The following DHRS7C variants were observed in gnomAD, a reference collection of about 807,000 sequenced individuals.
DHRS7C encodes dehydrogenase/reductase 7C, also known as dehydrogenase/reductase SDR family member 7C.
Under a neutral mutation model 29.6 loss-of-function variants are expected in DHRS7C, and 28 were observed. That is an observed-to-expected ratio of 0.95 (90% confidence interval 0.70 to 1.30). The LOEUF (loss-of-function observed/expected upper bound fraction) is 1.30. Among genes scored for constraint, DHRS7C ranks in the 50% most tolerant of loss-of-function variants. The probability of loss-of-function intolerance (pLI) is 0.00; values close to 1 mark genes in which losing one functional copy is unlikely to be tolerated. For synonymous variants in DHRS7C, 158 were observed against 160.2 expected (o/e 0.99, Z 0.10); for missense variants, 403 against 393.3 (o/e 1.02, Z -0.21).
intron 2 of DHRS7C, among the ~76,000 whole-genome samples, 200 bp from the exon 3 acceptor site, chr17:9,780,235 AAAC>A (rs1218573180): frequency 2.6e-5 from 4 of 152,202 alleles, no homozygotes; most frequent in Admixed American, 1.3e-4. Flanking sequence ...ACCAGGGCAA[AAAC>A]AACAACAAAT....
rs2066328980 is a variant in DHRS7C, at chr17:9,771,636, C to A, written c.788G>T (p.Arg263Leu). 6.3e-7 allele frequency: 1 copy of A among 1,592,298 alleles called. No individual in the cohort carries two copies. Among genetic ancestry groups the A allele is most frequent in the Non-Finnish European group, 8.6e-7 (1 of 1,167,822 alleles). The change falls in exon 6 of 6, where the codon CGC (arginine) becomes CTC (leucine). Residue 263 changes from arginine (R) to leucine (L), a missense_variant. Coordinates refer to ENST00000571134, the MANE Select transcript of DHRS7C (RefSeq NM_001105571.3). ...HPVEVAEEVM[R>L]TVRRKKQEVF... Reference sequence around the variant, plus strand: ...CTCTTGCTTCTTCCTCCGCACGGTGCGCATCACCTCCTCCGCCACCTCTAC... The same window carrying A: ...CTCTTGCTTCTTCCTCCGCACGGTGAGCATCACCTCCTCCGCCACCTCTAC...
At position 9,774,329 on chromosome 17, in the gene DHRS7C, G is replaced by C. The variant is rs2066349069; in HGVS notation, c.572-1407C>G. ...AGAGGGAGTCTTGCTCTGTTGTCCG[G>C]GCTGGAGTACAGTGGCTCAATCTCA... On this transcript the variant is annotated intron_variant, in intron 4 of 5. Transcript: ENST00000571134. This position sits in a 1 kb window ranked among gnomAD's most constrained non-coding sequence, Gnocchi z 5.0. Among the ~76,000 whole-genome samples, 1 of 152,084 alleles carries C rather than the reference G, an allele frequency of 6.6e-6. No homozygotes were observed. Among genetic ancestry groups the C allele is most frequent in the Non-Finnish European group, 1.5e-5 (1 of 68,006 alleles).
In DHRS7C at chr17:9,771,610, C is replaced by T; in HGVS notation, c.814G>A (p.Val272Met). The T allele has an allele frequency of 1.9e-6, 3 of 1,601,646 alleles. No individual in the cohort carries two copies. Among genetic ancestry groups the T allele is most frequent in the East Asian group, 2.3e-5 (1 of 43,856 alleles). ...TTGGGGATGGGGTTGGCCATAAACA[C>T]CTCTTGCTTCTTCCTCCGCACGGTG... ...MRTVRRKKQE[V>M]FMANPIPKAA... The change falls in exon 6 of 6, where the codon GTG becomes ATG. Residue 272 changes from valine (V) to methionine (M), a missense_variant. Transcript: ENST00000571134.
In DHRS7C at chr17:9,772,889, A is replaced by G. The variant is rs115900148; in HGVS notation, c.605T>C (p.Phe202Ser). The G allele has an allele frequency of 3.7e-4, 603 of 1,613,896 alleles. 2 individuals carry two copies. In the African/African-American group the frequency reaches 7.2e-3, roughly 19 times the overall value. ...CTCCACTTCGGCTCGGAGGCAGTCA[A>G]AGAAGCCCAGGGCTGCGTGCTTGGA... is the stretch of plus-strand genomic sequence containing the variant. The part of the protein sequence containing the change: ...AASKHAALGF[F>S]DCLRAEVEEY... The change falls in exon 5 of 6, where the codon TTT (phenylalanine) becomes TCT (serine). Residue 202 changes from phenylalanine (F) to serine (S), a missense_variant. By Grantham distance (155) the Phe-to-Ser change is radical. Coordinates refer to ENST00000571134, the MANE Select transcript of DHRS7C (RefSeq NM_001105571.3).
intron 1 of DHRS7C, 57 bp downstream of exon 1, chr17:9,791,074 C>T: frequency 6.4e-7 from 1 of 1,553,134 alleles, no homozygotes; most frequent in Non-Finnish European, 8.7e-7. Context: ...GCCACCCTGC[C>T]ATCCTGCCAG....
chr17:9,779,960 C>G lies in DHRS7C; in HGVS notation c.343G>C (p.Asp115His). 1 of 1,613,948 alleles carries G rather than the reference C, an allele frequency of 6.2e-7. No homozygotes were observed. Among genetic ancestry groups the G allele is most frequent in the Non-Finnish European group, 8.5e-7 (1 of 1,179,898 alleles). The change falls in exon 3 of 6, where the codon GAT becomes CAT. Residue 115 changes from aspartate (D) to histidine (H), a missense_variant. Physicochemically the swap from Asp to His is moderately conservative, Grantham distance 81 (BLOSUM62 -1). Transcript: ENST00000571134. ...AGGATGTCCACACAGCCATAGCAATCCAGGACTTCTTTTGCCACATCTGGG... is the reference window on the plus strand; with the variant it reads ...AGGATGTCCACACAGCCATAGCAATGCAGGACTTCTTTTGCCACATCTGGG... ...CVPDVAKEVL[D>H]CYGCVDILIN...
chr17:9,778,409 AAAAG>A (rs1567701364), intron 3 of DHRS7C, among the ~76,000 whole-genome samples: 6 of 151,992 alleles, frequency 3.9e-5, no homozygotes, highest in African/African-American at 9.6e-5. Flanking sequence ...AAAAAAAAAA[AAAAG>A]AAAGAAAGGA....
chr17:9,773,782 T>TGG (rs540439895), intron 4 of DHRS7C, among the ~76,000 whole-genome samples: 115 of 139,946 alleles, frequency 8.2e-4, no homozygotes, highest in African/African-American at 3.0e-3. Flanking sequence ...TGGAGTGCAG[T>TGG]GGTGCGATCT....
rs934270980 is a variant in DHRS7C at position 9,791,145 on chromosome 17, G to T, written c.140C>A (p.Ser47Ter). 9 of 1,613,010 alleles carry T rather than the reference G, an allele frequency of 5.6e-6. No individual in the cohort carries two copies. The highest frequency in any genetic ancestry group is 7.6e-6 in the Non-Finnish European group (9 of 1,179,610). ...NKVVVITDAI[S>*]GLGKECARVF... is the part of the protein sequence containing the mutation. Reference sequence around the variant, plus strand: ...AGCCAGCTTACCCTTGCCCAGTCCTGAGATGGCATCGGTGATCACCACCAC... The same window carrying T: ...AGCCAGCTTACCCTTGCCCAGTCCTTAGATGGCATCGGTGATCACCACCAC... The change falls in exon 1 of 6, where the codon TCA becomes TAA. Residue 47 changes from serine (S) to a stop codon, truncating the protein, a stop_gained. Coordinates refer to ENST00000571134, the MANE Select transcript of DHRS7C (RefSeq NM_001105571.3). LOFTEE classifies it high-confidence loss of function.
intron 1 of DHRS7C, among the ~76,000 whole-genome samples, chr17:9,787,019 C>T (rs1034625951): frequency 1.3e-5 from 2 of 151,960 alleles, no homozygotes; most frequent in African/African-American, 4.8e-5. Flanking sequence ...GATCTCAGCT[C>T]ACTGCAATCT....
chr17:9,783,803 T>C (rs925434657), intron 1 of DHRS7C, among the ~76,000 whole-genome samples: 1 of 152,094 alleles, frequency 6.6e-6, no homozygotes. Context: ...CCGTCTCTAC[T>C]AAAAATTCAA....
At position 9,772,762 on chromosome 17, in the gene DHRS7C, C is replaced by T. The variant is rs757556851; in HGVS notation, c.727+5G>A. 19 of 1,613,600 alleles carry T rather than the reference C, an allele frequency of 1.2e-5. No homozygotes were observed. The highest frequency in any genetic ancestry group is 1.6e-5 in the Non-Finnish European group (19 of 1,179,782). ...AGGGGCCCCAGCTTCCCTCTGAAGT[C>T]TCACATTTCCAAATGGAAGCTTCCC... is the stretch of plus-strand genomic sequence containing the variant. On this transcript the variant is annotated splice_donor_5th_base_variant and intron_variant, in intron 5 of 5. Transcript: ENST00000571134.
chr17:9,791,369 A>C lies in DHRS7C; in HGVS notation c.-85T>G. On this transcript the variant is annotated 5_prime_UTR_variant, in exon 1 of 6. Coordinates refer to ENST00000571134, the MANE Select transcript of DHRS7C (RefSeq NM_001105571.3). ...GACTCCCAGGGCAGGGGGAGGCCCA[A>C]GGCTGCAGGGAGCTCAGCTCTGTGC... 12 of 1,498,516 alleles carry C rather than the reference A, an allele frequency of 8.0e-6. No individual in the cohort carries two copies. The highest frequency in any genetic ancestry group is 1.1e-5 in the Non-Finnish European group (12 of 1,106,336). The allele number at this position is 1,498,516 out of a possible 1,614,324, so 92.8% of individuals were successfully genotyped here.
chr17:9,784,733 A>G (rs1447854225), intron 1 of DHRS7C, among the ~76,000 whole-genome samples: 1 of 152,242 alleles, frequency 6.6e-6, no homozygotes, highest in Non-Finnish European at 1.5e-5. Context: ...CAATACCAGT[A>G]ATACATAAAT....
intron 3 of DHRS7C, among the ~76,000 whole-genome samples, 192 bp from the exon 4 acceptor site, chr17:9,777,477 T>C (rs935056467): frequency 6.6e-6 from 1 of 151,964 alleles, no homozygotes; most frequent in African/African-American, 2.4e-5. Context: ...GGCTGGCGAG[T>C]TGCTGGGTGA....
rs955130218 is a variant in DHRS7C at position 9,775,380 on chromosome 17, G to A, written c.571+1813C>T. ...CCCAGCGTCCCTTGCACTTAGGTGC[G>A]ACTGAGTTCTCCCAATAGGATGTGA... is the stretch of plus-strand genomic sequence containing the variant. On this transcript the variant is annotated intron_variant, in intron 4 of 5. Transcript: ENST00000571134. The surrounding 1 kb of genome is among the most constrained non-coding windows in gnomAD (Gnocchi z 4.2). Among the ~76,000 whole-genome samples, 8 of 152,148 alleles carry A rather than the reference G, an allele frequency of 5.3e-5. No homozygotes were observed. The highest frequency in any genetic ancestry group is 1.0e-4 in the Non-Finnish European group (7 of 68,024).
intron 3 of DHRS7C, among the ~76,000 whole-genome samples, chr17:9,778,430 C>A (rs868341727): frequency 2.0e-5 from 3 of 151,318 alleles, no homozygotes; most frequent in Middle Eastern, 6.8e-3. Flanking sequence ...AGGAAAAAAA[C>A]CAAGATGGAC....
chr17:9,788,340 G>A (rs2066436053), intron 1 of DHRS7C, among the ~76,000 whole-genome samples: 1 of 152,130 alleles, frequency 6.6e-6, no homozygotes, highest in African/African-American at 2.4e-5. Context: ...CCAAGTAGCT[G>A]GGATTATAGG....
chr17:9,781,716 T>C, intron 1 of DHRS7C, 122 bp from the exon 2 acceptor site: 1 of 857,926 alleles, frequency 1.2e-6, no homozygotes, highest in South Asian at 1.7e-5. Flanking sequence ...ACGAGGTCCT[T>C]TAGGGGTCAC....
Sources: allele counts gnomAD v4.1 joint callset (sites outside exome capture counted in the v4.1 genomes callset), GRCh38; gene constraint gnomAD v4.1.1; non-coding constraint Gnocchi (gnomAD v3.1); transcripts MANE v1.5; gene names NCBI Gene and HGNC (gene_info 2026-07-23, HGNC 2026-07-21).